SPAG16: variants seen among roughly 807,000 people sequenced by gnomAD.
SPAG16 encodes sperm associated antigen 16, also known as sperm-associated antigen 16 protein.
A neutral mutation model predicts 80.4 loss-of-function variants in SPAG16; 86 were observed. That is an observed-to-expected ratio of 1.07 (90% CI 0.90 to 1.28). SPAG16 has a LOEUF of 1.28. SPAG16 is among the 50% of genes most tolerant of loss of function. SPAG16 has a pLI of 0.00. For missense variants in SPAG16, 870 were observed against 765.3 expected (o/e 1.14, Z -1.61); for synonymous variants, 294 against 265.9 (o/e 1.11, Z -1.03).
At chr2:214,279,806 A>G (rs980577993) in intron 15 of SPAG16, among the ~76,000 whole-genome samples, 6 of 152,208 alleles carry the variant, frequency 3.9e-5, no homozygotes, top group African/African-American at 1.4e-4. Context: ...AAAAGATTCA[A>G]CTCACACAAT....
chr2:213,944,495 C>G (rs77019027), intron 12 of SPAG16, among the ~76,000 whole-genome samples: 5 of 152,124 alleles, frequency 3.3e-5, no homozygotes, highest in Admixed American at 2.0e-4. Flanking sequence ...GGGTTTCACA[C>G]GTTCACAGGG....
At chr2:213,859,348 G>T (rs1180152464) in intron 10 of SPAG16, among the ~76,000 whole-genome samples, 1 of 151,954 alleles carries the variant, frequency 6.6e-6, no homozygotes, top group Non-Finnish European at 1.5e-5. Flanking sequence ...TAGACAGATT[G>T]TGGGAGAGGC....
intron 15 of SPAG16, among the ~76,000 whole-genome samples, chr2:214,220,076 A>G (rs1013404448): frequency 6.6e-6 from 1 of 152,148 alleles, no homozygotes; most frequent in Non-Finnish European, 1.5e-5. Flanking sequence ...TCAACATATT[A>G]ACTTTAATAG....
At chr2:214,362,014 A>G (rs1699219886) in intron 15 of SPAG16, among the ~76,000 whole-genome samples, 1 of 151,914 alleles carries the variant, frequency 6.6e-6, no homozygotes, top group Non-Finnish European at 1.5e-5. Context: ...GAGAAGGATT[A>G]TCAGTCAGGA....
chr2:213,453,457 C>T (rs2071820054), intron 9 of SPAG16, among the ~76,000 whole-genome samples: 1 of 152,142 alleles, frequency 6.6e-6, no homozygotes, highest in Non-Finnish European at 1.5e-5. Flanking sequence ...TGGATATATT[C>T]AAAAGCAAAA....
At chr2:213,756,091 G>A (rs2068314828) in intron 10 of SPAG16, among the ~76,000 whole-genome samples, 2 of 152,166 alleles carry the variant, frequency 1.3e-5, no homozygotes, top group Non-Finnish European at 2.9e-5. Flanking sequence ...ATCAGTCAGA[G>A]TGAACATAAC....
chr2:213,295,559 G>GT (rs961456352), intron 1 of SPAG16, among the ~76,000 whole-genome samples: 7 of 152,042 alleles, frequency 4.6e-5, no homozygotes, highest in East Asian at 3.9e-4. Flanking sequence ...ATTGATATGT[G>GT]TTTTTTTCTT....
intron 15 of SPAG16, among the ~76,000 whole-genome samples, chr2:214,222,924 C>A (rs1005687575): frequency 2.6e-5 from 4 of 152,058 alleles, no homozygotes; most frequent in Non-Finnish European, 5.9e-5. Context: ...AGGTTAAATA[C>A]CATTTATTTG....
At chr2:213,509,186 C>T (rs904306003) in intron 10 of SPAG16, among the ~76,000 whole-genome samples, 8 of 151,982 alleles carry the variant, frequency 5.3e-5, no homozygotes, top group South Asian at 2.1e-4. Context: ...TTAGAAGAGA[C>T]GGGGTTTCAC....
chr2:214,110,265 T>C (rs2125411433), intron 14 of SPAG16, among the ~76,000 whole-genome samples: 1 of 152,246 alleles, frequency 6.6e-6, no homozygotes, highest in South Asian at 2.1e-4. Context: ...CATTAGGTAC[T>C]TCTCCTAATG....
At chr2:213,707,169 T>G (rs1322683838) in intron 10 of SPAG16, among the ~76,000 whole-genome samples, 1 of 152,220 alleles carries the variant, frequency 6.6e-6, no homozygotes, top group East Asian at 1.9e-4. Context: ...AGGCTTAATA[T>G]CACAGTTGGT....
intron 14 of SPAG16, among the ~76,000 whole-genome samples, chr2:214,141,028 T>C (rs1186193388): frequency 2.0e-5 from 3 of 151,850 alleles, no homozygotes; most frequent in Non-Finnish European, 4.4e-5. Context: ...TATTTTCTGC[T>C]AATCTTGTTT....
chr2:214,257,252 G>A (rs1331091215), intron 15 of SPAG16, among the ~76,000 whole-genome samples: 1 of 151,948 alleles, frequency 6.6e-6, no homozygotes, highest in African/African-American at 2.4e-5. Flanking sequence ...TGTGACTTTG[G>A]TCGTTTCACT....
At chr2:213,344,430 C>T (rs549324751) in intron 6 of SPAG16, among the ~76,000 whole-genome samples, 43 of 151,848 alleles carry the variant, frequency 2.8e-4, no homozygotes, top group Non-Finnish European at 5.3e-4. Context: ...GCACAGCGTG[C>T]AGGTTTGTTA....
chr2:213,802,540 A>G (rs985223027), intron 10 of SPAG16, among the ~76,000 whole-genome samples: 2 of 152,134 alleles, frequency 1.3e-5, no homozygotes, highest in Admixed American at 1.3e-4. Context: ...AGACAATGTG[A>G]GAAAGAATAG....
At chr2:213,286,684 C>A (rs1176226760) in intron 1 of SPAG16, among the ~76,000 whole-genome samples, 1 of 152,240 alleles carries the variant, frequency 6.6e-6, no homozygotes, top group African/African-American at 2.4e-5. Flanking sequence ...TTCTAATCTA[C>A]TGCATTTGGC....
chr2:213,489,491 T>TA (rs879841351), intron 9 of SPAG16, among the ~76,000 whole-genome samples: 12 of 152,004 alleles, frequency 7.9e-5, no homozygotes, highest in Non-Finnish European at 1.2e-4. Flanking sequence ...TCCTTAGATT[T>TA]AAAAAGAAAA....
At chr2:214,185,201 G>A (rs192905849) in intron 15 of SPAG16, among the ~76,000 whole-genome samples, 9 of 151,978 alleles carry the variant, frequency 5.9e-5, no homozygotes, top group African/African-American at 2.2e-4. Context: ...ATCTAACATA[G>A]ACAATTCAAG....
intron 13 of SPAG16, among the ~76,000 whole-genome samples, chr2:214,091,823 C>G (rs183121681): frequency 3.3e-5 from 5 of 152,110 alleles, no homozygotes; most frequent in Admixed American, 3.3e-4. Context: ...TTTATCCACT[C>G]TAATGAACAT....
Sources: allele counts gnomAD v4.1 joint callset (sites outside exome capture counted in the v4.1 genomes callset), GRCh38; gene constraint gnomAD v4.1.1; transcripts MANE v1.5; gene names NCBI Gene and HGNC (gene_info 2026-07-23, HGNC 2026-07-21).